The following NKAIN3 variants were observed in gnomAD, a reference collection of about 807,000 sequenced individuals.
The protein encoded by NKAIN3 is sodium/potassium-transporting ATPase subunit beta-1-interacting protein 3.
In NKAIN3, 25 loss-of-function variants were observed where a neutral mutation model predicts 30.2. The ratio of observed to expected loss-of-function variants is 0.83; its 90% CI spans 0.60 to 1.16. The LOEUF is 1.16. Among genes scored for constraint, NKAIN3 ranks in the 50% most tolerant of loss-of-function variants. The pLI is 0.00. For missense variants in NKAIN3, 225 were observed against 254.1 expected (o/e 0.89, Z 0.78); for synonymous variants, 91 against 89.6 (o/e 1.02, Z -0.09).
chr8:62,328,857 C>A (rs1217890864), intron 1 of NKAIN3, among the ~76,000 whole-genome samples: 2 of 152,024 alleles, frequency 1.3e-5, no homozygotes, highest in Non-Finnish European at 2.9e-5. Flanking sequence ...ACCCAATGAT[C>A]CCTGTCTCCT....
chr8:62,639,798 G>GT (rs1405619943), intron 3 of NKAIN3, among the ~76,000 whole-genome samples: 4 of 151,860 alleles, frequency 2.6e-5, no homozygotes, highest in African/African-American at 4.8e-5. Context: ...AAGTGAAGTG[G>GT]TTTTTTTCTG....
intron 1 of NKAIN3, among the ~76,000 whole-genome samples, chr8:62,315,930 A>G (rs1412338539): frequency 6.6e-6 from 1 of 152,300 alleles, no homozygotes. Context: ...TGTAGTTGCC[A>G]TAATCCCACA....
At chr8:62,720,557 T>C (rs1271626452) in intron 3 of NKAIN3, among the ~76,000 whole-genome samples, 1 of 152,216 alleles carries the variant, frequency 6.6e-6, no homozygotes, top group Non-Finnish European at 1.5e-5. Flanking sequence ...TTGAATGTTA[T>C]AAAATTCTCT....
Position 62,643,634 on chromosome 8 carries a change from G to A in NKAIN3, c.273+53840G>A, listed in dbSNP as rs543996624. The stretch of plus-strand genomic sequence containing the variant: ...GGATTCCCTGTCTCAGAACATAGGG[G>A]GCAATAGGGACCTGCACAACTGTTC... On this transcript the variant is annotated intron_variant, in intron 3 of 6. Coordinates refer to ENST00000623646, the MANE Select transcript of NKAIN3 (RefSeq NM_001304533.3). Among the ~76,000 whole-genome samples the A allele has an allele frequency of 1.3e-4, 20 of 152,194 alleles. No homozygotes were observed. The East Asian group carries it at 3.5e-3, about 26-fold the overall frequency.
At chr8:62,648,355 G>A (rs537510857) in intron 3 of NKAIN3, among the ~76,000 whole-genome samples, 7 of 152,198 alleles carry the variant, frequency 4.6e-5, no homozygotes, top group African/African-American at 1.4e-4. Context: ...AGAAATGACC[G>A]AGGGAGAACC....
chr8:62,342,617 T>C (rs987570032), intron 1 of NKAIN3, among the ~76,000 whole-genome samples: 1 of 152,088 alleles, frequency 6.6e-6, no homozygotes, highest in Non-Finnish European at 1.5e-5. Flanking sequence ...AAGGAACTCT[T>C]AGGGCTCTTG....
chr8:62,638,197 C>CA (rs1248564610), intron 3 of NKAIN3, among the ~76,000 whole-genome samples: 1 of 152,032 alleles, frequency 6.6e-6, no homozygotes, highest in African/African-American at 2.4e-5. Context: ...CTCAGGGAAA[C>CA]AAAAAATTAA....
At chr8:62,722,208 A>G (rs922042705) in intron 3 of NKAIN3, among the ~76,000 whole-genome samples, 9 of 152,226 alleles carry the variant, frequency 5.9e-5, no homozygotes, top group Non-Finnish European at 1.2e-4. Flanking sequence ...AAAATTTCAA[A>G]TTCAACTTTA....
At chr8:62,249,860 T>C (rs1214473481) in intron 1 of NKAIN3, among the ~76,000 whole-genome samples, 1 of 151,954 alleles carries the variant, frequency 6.6e-6, no homozygotes, top group Non-Finnish European at 1.5e-5. Context: ...GAAACTAGAG[T>C]GGGGAAAAAA....
intron 3 of NKAIN3, among the ~76,000 whole-genome samples, chr8:62,664,249 T>C (rs1813030234): frequency 6.6e-6 from 1 of 152,030 alleles, no homozygotes; most frequent in Non-Finnish European, 1.5e-5. Context: ...GATGGAGCTA[T>C]AAAAGCTCCC....
intron 1 of NKAIN3, among the ~76,000 whole-genome samples, chr8:62,427,080 C>T (rs4604422): frequency 0.42 from 63,167 of 151,912 alleles, 15,148 homozygotes; most frequent in Non-Finnish European, 0.53. Flanking sequence ...TCAGAGGGAG[C>T]TCAAGATGGC....
intron 1 of NKAIN3, among the ~76,000 whole-genome samples, chr8:62,446,806 T>G (rs1805499930): frequency 6.6e-6 from 1 of 152,092 alleles, no homozygotes; most frequent in African/African-American, 2.4e-5. Flanking sequence ...TTTTCAGGGT[T>G]AAGTCATATT....
intron 4 of NKAIN3, among the ~76,000 whole-genome samples, chr8:62,879,559 T>C (rs1227057892): frequency 6.6e-6 from 1 of 152,202 alleles, no homozygotes; most frequent in Admixed American, 6.5e-5. Flanking sequence ...GTTTTTGTTG[T>C]TGCATTATGC....
chr8:62,445,419 C>T (rs1805458275), intron 1 of NKAIN3, among the ~76,000 whole-genome samples: 2 of 151,700 alleles, frequency 1.3e-5, no homozygotes, highest in South Asian at 2.1e-4. Flanking sequence ...TATATTATAC[C>T]CATTTTTCTT....
chr8:62,858,119 G>A lies in NKAIN3; in HGVS notation c.472-60334G>A, dbSNP rs141366724. On this transcript the variant is annotated intron_variant, in intron 4 of 6. Coordinates refer to ENST00000623646, the MANE Select transcript of NKAIN3 (RefSeq NM_001304533.3). ...GATGGCTGTTGCATAGGGCTGCTGT[G>A]GTTTGCTGGGAGTCTGCTCCAGACC... Among the ~76,000 whole-genome samples, 1,483 of 152,142 alleles carry A rather than the reference G, an allele frequency of 9.7e-3. 13 individuals carry two copies. Among genetic ancestry groups the A allele is most frequent in the Admixed American group, 0.013 (203 of 15,284 alleles).
intron 1 of NKAIN3, among the ~76,000 whole-genome samples, chr8:62,521,568 G>A (rs1241033203): frequency 6.6e-6 from 1 of 152,086 alleles, no homozygotes; most frequent in African/African-American, 2.4e-5. Flanking sequence ...TCACATTCAG[G>A]TAAATGTAGA....
chr8:62,629,092 C>T (rs1300884933), intron 3 of NKAIN3, among the ~76,000 whole-genome samples: 1 of 152,066 alleles, frequency 6.6e-6, no homozygotes, highest in Non-Finnish European at 1.5e-5. Context: ...AAGACATAGC[C>T]CCAGGGGTTG....
intron 1 of NKAIN3, among the ~76,000 whole-genome samples, chr8:62,523,892 G>A (rs1010247312): frequency 2.6e-5 from 4 of 152,104 alleles, no homozygotes; most frequent in Non-Finnish European, 5.9e-5. Flanking sequence ...ACTACCTGCA[G>A]CCAGGTTCTT....
chr8:62,997,741 T>C (rs1804150865), intron 5 of NKAIN3, among the ~76,000 whole-genome samples: 1 of 143,358 alleles, frequency 7.0e-6, no homozygotes, highest in Admixed American at 7.3e-5. Context: ...ACCAAATAAA[T>C]GAGCTCTTTT....
Sources: gnomAD v4.1 joint callset for allele counts (sites outside exome capture counted in the v4.1 genomes callset) on GRCh38, gnomAD v4.1.1 for gene constraint, MANE v1.5 for transcripts, NCBI Gene and HGNC (gene_info 2026-07-23, HGNC 2026-07-21) for gene names.